Variants in ADA2 observed in about 807,000 individuals in gnomAD.
ADA2 encodes adenosine deaminase CECR1.
ADA2 carries 29 observed loss-of-function variants against 44.2 expected under a neutral mutation model. That is an observed-to-expected ratio of 0.66 (90% CI 0.49 to 0.89). The LOEUF (loss-of-function observed/expected upper bound fraction) is 0.89, where lower values mean the gene tolerates loss of function less well. Ranked by LOEUF, ADA2 falls within the 40% of genes least tolerant of loss-of-function variation. ADA2 has a pLI of 0.00. For missense variants in ADA2, 637 were observed against 644.8 expected (o/e 0.99, Z 0.13); for synonymous variants, 215 against 234.9 (o/e 0.92, Z 0.77).
chr22:17,209,520 T>G lies in ADA2; in HGVS notation c.158A>C (p.Asn53Thr). ...CTCATTGGCCAGCTCCTCCTTGGTG[T>G]TCAGCACCAGCCGCCCCCCCAGCCG... Reference protein sequence around the residue: ...MMRLGGRLVLNTKEELANERL... With the variant: ...MMRLGGRLVLTTKEELANERL... Residue 53 changes from asparagine (N) to threonine (T), a missense_variant, in exon 2 of 10, where the codon AAC becomes ACC. Transcript: ENST00000399837. 1 of 1,614,110 alleles carries G rather than the reference T, an allele frequency of 6.2e-7. No homozygotes were observed. The highest frequency in any genetic ancestry group is 8.5e-7 in the Non-Finnish European group (1 of 1,179,994).
In ADA2 at chr22:17,187,533, C is replaced by T. The variant is rs533729014; in HGVS notation, c.1081+806G>A. Among the ~76,000 whole-genome samples the T allele has an allele frequency of 2.0e-4, 31 of 152,030 alleles. No individual in the cohort carries two copies. The South Asian group carries it at 6.4e-3, about 32-fold the overall frequency. The stretch of plus-strand genomic sequence containing the variant: ...TCAAACTCCTGGGTTTAAAGAGATC[C>T]ACCCACATCAGCCTCCAAAGTGCTA... On this transcript the variant is annotated intron_variant, in intron 7 of 9. Transcript: ENST00000399837.
chr22:17,183,146 C>T (rs1413476934), intron 7 of ADA2, among the ~76,000 whole-genome samples: 3 of 151,736 alleles, frequency 2.0e-5, no homozygotes, highest in African/African-American at 4.8e-5. Context: ...TACAGTGGCA[C>T]GATCTCAGCT....
chr22:17,197,694 A>G (rs2062210091), intron 4 of ADA2, among the ~76,000 whole-genome samples: 3 of 152,106 alleles, frequency 2.0e-5, no homozygotes, highest in Admixed American at 2.0e-4. Flanking sequence ...AACCCTCAAA[A>G]CTACACTATG....
chr22:17,199,416 T>TCCTCCCACCCCTCCACTATCCTCTTCC, intron 4 of ADA2: 3 of 429,652 alleles, frequency 7.0e-6, no homozygotes, highest in Non-Finnish European at 1.3e-5. Context: ...TCTCAGCGTC[T>TCCTCCCACCCCTCCACTATCCTCTTCC]CCTCCCTCCC....
rs2123597490 is a variant in ADA2 at position 17,181,230 on chromosome 22, G to C, written c.*253C>G. 10 of 456,770 alleles carry C rather than the reference G, an allele frequency of 2.2e-5. No homozygotes were observed. The South Asian group carries it at 2.4e-4, about 11-fold the overall frequency. 28.3% of individuals were successfully genotyped at this position (456,770 alleles called of 1,614,324 possible). A position where few individuals can be genotyped will look rare whatever the true frequency, so the allele number is the denominator to read the frequency against. ...GAAACAGCACAGAGATCAGAGAGAG[G>C]AGAAGACTCTGAAATAGGGAAACTG... On this transcript the variant is annotated 3_prime_UTR_variant, in exon 10 of 10. Coordinates refer to ENST00000399837, the MANE Select transcript of ADA2 (RefSeq NM_001282225.2).
intron 1 of ADA2, among the ~76,000 whole-genome samples, chr22:17,212,295 G>A (rs370973354): frequency 6.6e-6 from 1 of 152,062 alleles, no homozygotes; most frequent in East Asian, 1.9e-4. Flanking sequence ...CTAAAGTACT[G>A]GCATTACAGA....
In ADA2 at chr22:17,180,860, G is replaced by T; in HGVS notation, c.*623C>A. On this transcript the variant is annotated 3_prime_UTR_variant, in exon 10 of 10. Transcript: ENST00000399837. ...GAGTTAAAGAGACCAGAATAGGCCA[G>T]GCATGGTGGCTAATGCCTGTAATTC... The T allele has an allele frequency of 6.6e-6, 1 of 152,584 alleles. No homozygotes were observed. The allele number at this position is 152,584 out of a possible 1,614,324, so 9.5% of individuals were successfully genotyped here.
intron 2 of ADA2, among the ~76,000 whole-genome samples, chr22:17,207,762 G>A (rs1281751063): frequency 1.3e-5 from 2 of 152,030 alleles, no homozygotes; most frequent in African/African-American, 2.4e-5. Flanking sequence ...ACTGCATGAC[G>A]GGATACACTG....
At chr22:17,220,729 AC>A (rs1277298894), upstream of ADA2, among the ~76,000 whole-genome samples, 1 of 151,568 alleles carries the variant, frequency 6.6e-6, no homozygotes, top group Non-Finnish European at 1.5e-5. Context: ...CCAAAAGCCC[AC>A]GGCAGTTTCA....
chr22:17,191,547 A>G (rs560721630), intron 5 of ADA2, 136 bp downstream of exon 5: 2 of 973,122 alleles, frequency 2.1e-6, no homozygotes, highest in East Asian at 4.8e-5. Context: ...ACACAGGCAC[A>G]GCACAGCTCC....
chr22:17,193,357 GCAAAAAAAA>G (rs1159766089), intron 4 of ADA2: 2 of 47,738 alleles, frequency 4.2e-5, no homozygotes, highest in African/African-American at 1.4e-4. Context: ...CGTAAAAACT[GCAAAAAAAA>G]AAAAAAAAAA....
chr22:17,199,690 A>G (rs1194606361), intron 4 of ADA2: 2 of 1,581,034 alleles, frequency 1.3e-6, no homozygotes, highest in African/African-American at 1.4e-5. Context: ...GAAAGCGACG[A>G]ACTTAGGAGC....
intron 3 of ADA2, among the ~76,000 whole-genome samples, chr22:17,205,383 G>C (rs1005567055): frequency 6.6e-6 from 1 of 152,160 alleles, no homozygotes; most frequent in Non-Finnish European, 1.5e-5. Context: ...CGAAGTGCTA[G>C]GATTACAGGC....
At chr22:17,195,383 GC>G (rs1568977896) in intron 4 of ADA2, among the ~76,000 whole-genome samples, 3 of 152,038 alleles carry the variant, frequency 2.0e-5, no homozygotes, top group African/African-American at 7.2e-5. Context: ...ACAACAATTA[GC>G]CGGGCGTGGT....
At chr22:17,204,608 C>CAA (rs376188550) in intron 3 of ADA2, among the ~76,000 whole-genome samples, 3 of 132,578 alleles carry the variant, frequency 2.3e-5, no homozygotes, top group Admixed American at 7.8e-5. Flanking sequence ...AGACTCATCT[C>CAA]AAAAAAAAAA....
intron 4 of ADA2, among the ~76,000 whole-genome samples, chr22:17,196,759 C>G (rs894196087): frequency 5.3e-5 from 8 of 152,138 alleles, no homozygotes; most frequent in African/African-American, 1.9e-4. Context: ...AAGGCCCAGG[C>G]AGCAAGGGCA....
chr22:17,204,444 C>T (rs2062329305), intron 3 of ADA2, among the ~76,000 whole-genome samples: 1 of 151,986 alleles, frequency 6.6e-6, no homozygotes, highest in South Asian at 2.1e-4. Context: ...TAGTGAAACC[C>T]CATCTCTACT....
Position 17,214,426 on chromosome 22 carries a change from A to G in ADA2, c.-46-4703T>C, listed in dbSNP as rs142436880. On this transcript the variant is annotated intron_variant, in intron 1 of 9. Coordinates refer to ENST00000399837, the MANE Select transcript of ADA2 (RefSeq NM_001282225.2). ...AAGTTTCTAAGTTTATTCAGAGGTA[A>G]AGCCCATTTCTGTGTCCGTACCATG... Among the ~76,000 whole-genome samples, 465 of 152,346 alleles carry G rather than the reference A, an allele frequency of 3.1e-3. 2 individuals carry two copies. The highest frequency in any genetic ancestry group is 0.02 in the Middle Eastern group (6 of 294).
chr22:17,221,691 G>A (rs2062524723), upstream of ADA2: 1 of 152,332 alleles, frequency 6.6e-6, no homozygotes, highest in South Asian at 2.1e-4. Flanking sequence ...CTCAGATCTT[G>A]AGGTGGAAGC....
Sources: allele counts gnomAD v4.1 joint callset (sites outside exome capture counted in the v4.1 genomes callset), GRCh38; gene constraint gnomAD v4.1.1; transcripts MANE v1.5; gene names NCBI Gene and HGNC (gene_info 2026-07-23, HGNC 2026-07-21).